NDUFAF2: variants seen among roughly 807,000 people sequenced by gnomAD.
The protein encoded by NDUFAF2 is NADH:ubiquinone oxidoreductase complex assembly factor 2, also known as NADH dehydrogenase [ubiquinone] 1 alpha subcomplex assembly factor 2.
In NDUFAF2, 13 loss-of-function variants were observed where a neutral mutation model predicts 22.8. The ratio of observed to expected loss-of-function variants is 0.57; its 90% confidence interval spans 0.37 to 0.91. The LOEUF (loss-of-function observed/expected upper bound fraction) is 0.91. Among genes scored for constraint, NDUFAF2 ranks in the 40% least tolerant of loss-of-function variants. The probability of loss-of-function intolerance (pLI) is 0.01; values close to 1 mark genes in which losing one functional copy is unlikely to be tolerated. For synonymous variants in NDUFAF2, 53 were observed against 64.2 expected, an observed-to-expected ratio of 0.83 and a Z score of 0.84; for missense variants, 162 against 195.2, an observed-to-expected ratio of 0.83 and a Z score of 1.01.
At chr5:61,069,875 C>T (rs1435657660) in intron 1 of NDUFAF2, among the ~76,000 whole-genome samples, 1 of 152,054 alleles carries the variant, frequency 6.6e-6, no homozygotes, top group East Asian at 1.9e-4. Context: ...AGGCAATTAG[C>T]TCAACAGCAG....
intron 1 of NDUFAF2, among the ~76,000 whole-genome samples, chr5:60,982,533 A>G (rs899870435): frequency 7.0e-6 from 1 of 143,066 alleles, no homozygotes; most frequent in Non-Finnish European, 1.5e-5. Flanking sequence ...ATATCTCCTA[A>G]TGCTATCCCT....
intron 3 of NDUFAF2, among the ~76,000 whole-genome samples, chr5:61,151,350 G>T (rs298631): frequency 0.044 from 6,601 of 150,292 alleles, 174 homozygotes; most frequent in South Asian, 0.08. Flanking sequence ...TTTTTTTTTG[G>T]TCAGTGTTGT....
chr5:61,056,930 AT>A (rs1561553163), intron 1 of NDUFAF2, among the ~76,000 whole-genome samples: 1 of 27,122 alleles, frequency 3.7e-5, no homozygotes, highest in African/African-American at 1.0e-4. Flanking sequence ...ATATATATAT[AT>A]ATATATATAT....
At chr5:61,142,569 A>G (rs939639619) in intron 3 of NDUFAF2, among the ~76,000 whole-genome samples, 4 of 152,222 alleles carry the variant, frequency 2.6e-5, no homozygotes, top group African/African-American at 9.6e-5. Context: ...TAATTGATCA[A>G]AGGATGTTTG....
intron 3 of NDUFAF2, among the ~76,000 whole-genome samples, chr5:61,110,865 G>A (rs1422610780): frequency 6.6e-6 from 1 of 151,790 alleles, no homozygotes; most frequent in East Asian, 1.9e-4. Flanking sequence ...CTAATTTTGG[G>A]TTTGGTTTCC....
chr5:61,071,199 A>G (rs921478441), intron 1 of NDUFAF2, among the ~76,000 whole-genome samples: 1 of 152,132 alleles, frequency 6.6e-6, no homozygotes, highest in Non-Finnish European at 1.5e-5. Context: ...CCTTGTTCCT[A>G]CCACTTTTAG....
At chr5:60,961,257 C>A (rs1750680148) in intron 1 of NDUFAF2, among the ~76,000 whole-genome samples, 1 of 150,448 alleles carries the variant, frequency 6.6e-6, no homozygotes, top group South Asian at 2.1e-4. Flanking sequence ...GTCAGGAGTT[C>A]AAGATCAGCC....
chr5:61,134,169 A>G (rs541026266), intron 3 of NDUFAF2, among the ~76,000 whole-genome samples: 2 of 152,276 alleles, frequency 1.3e-5, no homozygotes, highest in South Asian at 4.1e-4. Context: ...AAGTAAGATG[A>G]AAAACAGTTG....
intron 3 of NDUFAF2, among the ~76,000 whole-genome samples, chr5:61,126,998 C>G (rs868447959): frequency 2.1e-4 from 32 of 152,196 alleles, no homozygotes; most frequent in Middle Eastern, 3.4e-3. Flanking sequence ...TCAGAGAATA[C>G]TATAAACACC....
At chr5:61,053,989 G>T (rs760034136) in intron 1 of NDUFAF2, among the ~76,000 whole-genome samples, 1 of 152,048 alleles carries the variant, frequency 6.6e-6, no homozygotes, top group Non-Finnish European at 1.5e-5. Context: ...GATCACTTGA[G>T]GCCAGGATCA....
At chr5:60,986,246 G>A (rs1453055597) in intron 1 of NDUFAF2, among the ~76,000 whole-genome samples, 1 of 152,166 alleles carries the variant, frequency 6.6e-6, no homozygotes, top group Non-Finnish European at 1.5e-5. Flanking sequence ...AGCAAGCTAA[G>A]TGTCCATCAA....
At chr5:60,969,073 A>G (rs930011546) in intron 1 of NDUFAF2, among the ~76,000 whole-genome samples, 3 of 152,100 alleles carry the variant, frequency 2.0e-5, no homozygotes, top group Non-Finnish European at 4.4e-5. Context: ...ATGGTACTCC[A>G]CTGTGTATGT....
chr5:61,092,921 C>T (rs74432733), intron 2 of NDUFAF2, among the ~76,000 whole-genome samples: 7,892 of 152,262 alleles, frequency 0.052, 418 homozygotes, highest in Admixed American at 0.16. Flanking sequence ...AATAGGCCAT[C>T]TGCAGCTGAG....
chr5:61,145,249 A>G (rs1741121725), intron 3 of NDUFAF2, among the ~76,000 whole-genome samples: 1 of 152,170 alleles, frequency 6.6e-6, no homozygotes, highest in African/African-American at 2.4e-5. Flanking sequence ...TTGAGCCACA[A>G]CCTTTTGGGG....
At chr5:61,030,852 C>A (rs1300592135) in intron 1 of NDUFAF2, among the ~76,000 whole-genome samples, 1 of 152,100 alleles carries the variant, frequency 6.6e-6, no homozygotes, top group East Asian at 1.9e-4. Context: ...AACCAGTTTA[C>A]ATAATATAAT....
chr5:61,014,516 G>A (rs1751482508), intron 1 of NDUFAF2, among the ~76,000 whole-genome samples: 1 of 152,134 alleles, frequency 6.6e-6, no homozygotes, highest in African/African-American at 2.4e-5. Flanking sequence ...GACTTGAGGA[G>A]GGAGTCCTGG....
intron 1 of NDUFAF2, among the ~76,000 whole-genome samples, chr5:61,029,819 T>C (rs528667616): frequency 5.3e-5 from 8 of 152,296 alleles, no homozygotes; most frequent in African/African-American, 1.7e-4. Context: ...TATTTTGGAA[T>C]GTTAATGTAG....
intron 1 of NDUFAF2, among the ~76,000 whole-genome samples, chr5:61,014,931 A>G (rs188661083): frequency 1.3e-5 from 2 of 152,348 alleles, no homozygotes; most frequent in East Asian, 1.9e-4. Flanking sequence ...ACTCTTAACT[A>G]TATATAGGGA....
intron 3 of NDUFAF2, among the ~76,000 whole-genome samples, chr5:61,120,139 C>T (rs1390878562): frequency 6.6e-6 from 1 of 152,178 alleles, no homozygotes; most frequent in African/African-American, 2.4e-5. Flanking sequence ...TAACAAAACA[C>T]ATGGAGACCG....
Sources: allele counts gnomAD v4.1 joint callset (sites outside exome capture counted in the v4.1 genomes callset), GRCh38; gene constraint gnomAD v4.1.1; transcripts MANE v1.5; gene names NCBI Gene and HGNC (gene_info 2026-07-23, HGNC 2026-07-21).